ITCH: variants seen among roughly 807,000 people sequenced by gnomAD.
ITCH encodes itchy E3 ubiquitin protein ligase.
ITCH carries 28 observed loss-of-function variants against 126.8 expected under a neutral mutation model. The observed-to-expected ratio is 0.22, with a 90% CI of 0.16 to 0.30. ITCH has a LOEUF of 0.30. Among genes scored for constraint, ITCH ranks in the 10% least tolerant of loss-of-function variants. The probability of loss-of-function intolerance (pLI) is 1.00; values close to 1 mark genes in which losing one functional copy is unlikely to be tolerated. For synonymous variants in ITCH, 342 were observed against 340.0 expected, an observed-to-expected ratio of 1.01 and a Z score of -0.06; for missense variants, 631 against 1,032.4, an observed-to-expected ratio of 0.61 and a Z score of 5.33.
chr20:34,511,148 TTTAG>T lies in ITCH; in HGVS notation c.*3358_*3361del, dbSNP rs1978765955. ...GCCCCCCTCCTTTTTTTGTTTTTCT[TTTAG>T]TTATTTACTTTGTTTGTATAATTTG... On this transcript the variant is annotated 3_prime_UTR_variant, in exon 25 of 25. Transcript: ENST00000374864. 1.3e-5 allele frequency: 2 copies of T among 152,242 alleles called. No individual in the cohort carries two copies. Among genetic ancestry groups the T allele is most frequent in the African/African-American group, 4.8e-5 (2 of 41,456 alleles). The allele number at this position is 152,242 out of a possible 1,614,324, so 9.4% of individuals were successfully genotyped here. A position where few individuals can be genotyped will look rare whatever the true frequency, so the allele number is the denominator to read the frequency against.
At chr20:34,482,613 T>TG (rs1304361704) in intron 20 of ITCH, among the ~76,000 whole-genome samples, 1 of 152,218 alleles carries the variant, frequency 6.6e-6, no homozygotes, top group Non-Finnish European at 1.5e-5. Flanking sequence ...ACACTGCCCT[T>TG]GGGGCTTTGC....
chr20:34,368,461 G>T (rs933328689), intron 1 of ITCH, among the ~76,000 whole-genome samples: 1 of 151,912 alleles, frequency 6.6e-6, no homozygotes, highest in Admixed American at 6.6e-5. Context: ...CAAATTCTGG[G>T]CTCATAATAA....
intron 16 of ITCH, among the ~76,000 whole-genome samples, chr20:34,473,351 A>T (rs922494126): frequency 2.0e-5 from 3 of 152,184 alleles, no homozygotes; most frequent in Non-Finnish European, 1.5e-5. Flanking sequence ...AAAGATAAGG[A>T]TACAAATGTC....
At chr20:34,480,197 C>A (rs529296514) in intron 18 of ITCH, among the ~76,000 whole-genome samples, 1 of 152,044 alleles carries the variant, frequency 6.6e-6, no homozygotes, top group East Asian at 1.9e-4. Context: ...CCGTGCCCAG[C>A]CAGGGAAGTG....
chr20:34,477,638 G>T, intron 16 of ITCH, 134 bp from the exon 17 acceptor site: 2 of 726,696 alleles, frequency 2.8e-6, no homozygotes, highest in South Asian at 3.2e-5. Flanking sequence ...GTGTGGTTTT[G>T]ACTAGACCAT....
Position 34,412,848 on chromosome 20 carries a change from A to G in ITCH, c.337+209A>G, listed in dbSNP as rs1979235163. Among the ~76,000 whole-genome samples, 10 of 152,318 alleles carry G rather than the reference A, an allele frequency of 6.6e-5. No homozygotes were observed. In the South Asian group the frequency reaches 2.1e-3, roughly 32 times the overall value. ...TCATTTTGGATTCAGTATTTTTAGTAAATATTTATTTACTTAGTAAATAGA... is the reference window on the plus strand; with the variant it reads ...TCATTTTGGATTCAGTATTTTTAGTGAATATTTATTTACTTAGTAAATAGA... On this transcript the variant is annotated intron_variant, in intron 5 of 24. Transcript: ENST00000374864.
chr20:34,479,724 C>T lies in ITCH; in HGVS notation c.1753C>T (p.Pro585Ser). The T allele has an allele frequency of 6.2e-7, 1 of 1,613,922 alleles. No homozygotes were observed. The change falls in exon 18 of 25, where the codon CCC (proline) becomes TCC (serine). Residue 585 changes from proline (P) to serine (S), a missense_variant. Pro to Ser is a moderately conservative substitution (Grantham distance 74). Coordinates refer to ENST00000374864, the MANE Select transcript of ITCH (RefSeq NM_031483.7). ...GKDNYCLQINPASYINPDHLK... is the reference protein window; with the variant it reads ...GKDNYCLQINSASYINPDHLK... ...GGATAACTACTGCTTGCAGATAAAC[C>T]CCGCTTCTTACATCAATCCAGATCA...
chr20:34,470,124 A>G lies in ITCH; in HGVS notation c.1497+4A>G. ...GTATTTCCGGTTCTGGTGTCAGGTTAGTATTGGAACTGTATCTCTGTACTG... is the reference window on the plus strand; with the variant it reads ...GTATTTCCGGTTCTGGTGTCAGGTTGGTATTGGAACTGTATCTCTGTACTG... On this transcript the variant is annotated splice_donor_region_variant and intron_variant, in intron 15 of 24. Coordinates refer to ENST00000374864, the MANE Select transcript of ITCH (RefSeq NM_031483.7). The G allele has an allele frequency of 6.2e-7, 1 of 1,610,072 alleles. No individual in the cohort carries two copies. Among genetic ancestry groups the G allele is most frequent in the Non-Finnish European group, 8.5e-7 (1 of 1,176,674 alleles).
chr20:34,437,826 T>C (rs1370303663), intron 7 of ITCH, among the ~76,000 whole-genome samples: 2 of 152,196 alleles, frequency 1.3e-5, no homozygotes, highest in Admixed American at 1.3e-4. Context: ...TAGCAGTAGC[T>C]TTCAGTCTGA....
intron 4 of ITCH, among the ~76,000 whole-genome samples, chr20:34,409,295 A>C (rs918104292): frequency 2.0e-5 from 3 of 151,920 alleles, no homozygotes; most frequent in African/African-American, 4.8e-5. Context: ...TGGCCTCAAG[A>C]GATCCTCCTG....
chr20:34,416,385 C>T (rs978741186), intron 6 of ITCH, among the ~76,000 whole-genome samples: 74 of 152,086 alleles, frequency 4.9e-4, no homozygotes, highest in African/African-American at 1.7e-3. Context: ...GCAACAAGAG[C>T]GAAACTGGGT....
intron 6 of ITCH, among the ~76,000 whole-genome samples, chr20:34,419,366 A>C (rs1980424113): frequency 6.6e-6 from 1 of 152,188 alleles, no homozygotes; most frequent in Non-Finnish European, 1.5e-5. Context: ...TTTCGAGATA[A>C]TCACTATTCT....
intron 13 of ITCH, among the ~76,000 whole-genome samples, chr20:34,460,698 T>C (rs147143013): frequency 1.3e-5 from 2 of 152,196 alleles, no homozygotes; most frequent in Non-Finnish European, 2.9e-5. Context: ...AAGATAGGTA[T>C]TAAGGAGGTG....
At chr20:34,369,348 A>ACAAG (rs11473703) in intron 1 of ITCH, 46 bp from the exon 2 acceptor site, 11 of 394,268 alleles carry the variant, frequency 2.8e-5, no homozygotes, top group Middle Eastern at 6.2e-4. Context: ...AAACAAACAA[A>ACAAG]AAAATATAGA....
In ITCH at chr20:34,449,694, G is replaced by A. The variant is rs149655160; in HGVS notation, c.1210+214G>A. Among the ~76,000 whole-genome samples the A allele has an allele frequency of 4.2e-3, 641 of 151,784 alleles. 5 individuals carry two copies. In the Middle Eastern group the frequency reaches 0.048, roughly 11 times the overall value. On this transcript the variant is annotated intron_variant, in intron 12 of 24. Transcript: ENST00000374864. ...GGACTCTTTATAAACTTTTATTGAC[G>A]CTCATAATTATTTTACTCTTCTACA...
intron 14 of ITCH, among the ~76,000 whole-genome samples, chr20:34,464,917 G>A (rs949095631): frequency 1.3e-5 from 2 of 152,008 alleles, no homozygotes; most frequent in African/African-American, 4.8e-5. Flanking sequence ...CACCATGTTG[G>A]TCAGGCTGGT....
chr20:34,394,707 G>T (rs1208505880), intron 3 of ITCH, among the ~76,000 whole-genome samples: 2 of 152,136 alleles, frequency 1.3e-5, no homozygotes, highest in African/African-American at 2.4e-5. Context: ...GGGTGGGATG[G>T]ATCACAGAAT....
At chr20:34,381,580 C>G (rs1334623460) in intron 2 of ITCH, among the ~76,000 whole-genome samples, 1 of 152,110 alleles carries the variant, frequency 6.6e-6, no homozygotes, top group African/African-American at 2.4e-5. Flanking sequence ...GCGCACGCCA[C>G]CATGCTTGGC....
intron 2 of ITCH, among the ~76,000 whole-genome samples, chr20:34,388,423 C>T (rs932333839): frequency 3.3e-5 from 5 of 151,882 alleles, no homozygotes; most frequent in East Asian, 1.9e-4. Context: ...CTTGCTCTGT[C>T]GCCCAAGATG....
Sources: allele counts gnomAD v4.1 joint callset (sites outside exome capture counted in the v4.1 genomes callset), GRCh38; gene constraint gnomAD v4.1.1; transcripts MANE v1.5; gene names NCBI Gene and HGNC (gene_info 2026-07-23, HGNC 2026-07-21).